The following INIP variants were observed in gnomAD, a reference collection of about 807,000 sequenced individuals.
INIP encodes INTS3 and NABP interacting protein.
In INIP, 9 loss-of-function variants were observed where a neutral mutation model predicts 14.0. The observed-to-expected ratio is 0.64, with a 90% CI of 0.39 to 1.12. INIP has a LOEUF of 1.12. Ranked by LOEUF, INIP falls within the 50% of genes most tolerant of loss-of-function variation. The pLI is 0.01. For missense variants in INIP, 78 were observed against 122.7 expected (o/e 0.64, Z 1.72); for synonymous variants, 37 against 41.5 (o/e 0.89, Z 0.41).
At chr9:112,693,271 G>A (rs1837958075) in intron 3 of INIP, among the ~76,000 whole-genome samples, 1 of 152,116 alleles carries the variant, frequency 6.6e-6, no homozygotes, top group South Asian at 2.1e-4. Flanking sequence ...AAAGGCAGCA[G>A]CAAACTGAGG....
chr9:112,716,285 A>C (rs576630802), intron 2 of INIP, among the ~76,000 whole-genome samples, 176 bp downstream of exon 2: 1 of 151,994 alleles, frequency 6.6e-6, no homozygotes, highest in East Asian at 2.0e-4. Context: ...CAAGCAGTCC[A>C]CCCGACTTGG....
intron 3 of INIP, 56 bp downstream of exon 3, chr9:112,694,075 A>G (rs193260710): frequency 4.3e-5 from 49 of 1,150,006 alleles, no homozygotes; most frequent in Non-Finnish European, 5.9e-5. Flanking sequence ...ACTCCGTCTC[A>G]AAACAAAACA....
rs9644926 is a variant in INIP at position 112,688,422 on chromosome 9, A to G, written c.220-789T>C. Among the ~76,000 whole-genome samples, 95 of 152,102 alleles carry G rather than the reference A, an allele frequency of 6.2e-4. 2 individuals are homozygous for G. The East Asian group carries it at 0.018, about 28-fold the overall frequency. ...CAGTGAGATTACTGGTGATTAAAAT[A>G]CCAACATTTGGTAGAGAACGTTGGA... is the stretch of plus-strand genomic sequence containing the variant. On this transcript the variant is annotated intron_variant, in intron 4 of 4. Coordinates refer to ENST00000374242, the MANE Select transcript of INIP (RefSeq NM_021218.3).
chr9:112,713,272 A>G (rs918536920), intron 2 of INIP, among the ~76,000 whole-genome samples: 3 of 152,276 alleles, frequency 2.0e-5, no homozygotes. Context: ...CATACATTCT[A>G]GAATGGCTAA....
At chr9:112,693,794 G>A (rs528906693) in intron 3 of INIP, among the ~76,000 whole-genome samples, 1 of 152,188 alleles carries the variant, frequency 6.6e-6, no homozygotes, top group African/African-American at 2.4e-5. Flanking sequence ...CACATTACAG[G>A]CCAGGCACGG....
chr9:112,687,490 T>C lies in INIP; in HGVS notation c.*48A>G, dbSNP rs1837718471. 1 of 1,160,298 alleles carries C rather than the reference T, an allele frequency of 8.6e-7. No individual in the cohort carries two copies. The highest frequency in any genetic ancestry group is 2.7e-4 in the Middle Eastern group (1 of 3,662). 71.9% of individuals were successfully genotyped at this position (1,160,298 alleles called of 1,614,324 possible). A position where few individuals can be genotyped will look rare whatever the true frequency, so the allele number is the denominator to read the frequency against. ...TCATGTAGCACTGAATGATAGTAGC[T>C]TTGGCATTTGATATTACAAAGTCAC... On this transcript the variant is annotated 3_prime_UTR_variant, in exon 5 of 5. Coordinates refer to ENST00000374242, the MANE Select transcript of INIP (RefSeq NM_021218.3).
chr9:112,693,575 T>C (rs1276478372), intron 3 of INIP, among the ~76,000 whole-genome samples: 1 of 152,248 alleles, frequency 6.6e-6, no homozygotes, highest in Non-Finnish European at 1.5e-5. Flanking sequence ...GTGTGCTGCA[T>C]GCACTCATAA....
At chr9:112,689,725 A>T (rs1488431716) in intron 3 of INIP, 108 bp from the exon 4 acceptor site, 2 of 736,278 alleles carry the variant, frequency 2.7e-6, no homozygotes, top group East Asian at 2.7e-5. Context: ...TATCCTTGAC[A>T]AAAACTGCAT....
chr9:112,696,846 A>G (rs1017093858), intron 2 of INIP, among the ~76,000 whole-genome samples: 3 of 152,232 alleles, frequency 2.0e-5, no homozygotes, highest in Admixed American at 2.0e-4. Context: ...CGGGCCAGGC[A>G]CGTGGGAAGG....
intron 2 of INIP, among the ~76,000 whole-genome samples, chr9:112,705,287 T>C (rs1374523237): frequency 6.6e-6 from 1 of 152,108 alleles, no homozygotes; most frequent in Non-Finnish European, 1.5e-5. Context: ...CTAAATAAGC[T>C]TATAAACAAT....
chr9:112,688,687 G>GGCATGTGCCTGTAGTCCCAGCA (rs1265922467), intron 4 of INIP, among the ~76,000 whole-genome samples: 32 of 151,892 alleles, frequency 2.1e-4, no homozygotes, highest in African/African-American at 6.5e-4. Context: ...TAGGCACAGT[G>GGCATGTGCCTGTAGTCCCAGCA]GCATGTGCCT....
chr9:112,692,252 GA>G (rs1837915095), intron 3 of INIP, among the ~76,000 whole-genome samples: 1 of 152,176 alleles, frequency 6.6e-6, no homozygotes. Flanking sequence ...AGACAGAAGA[GA>G]GTTAGGGTGG....
At chr9:112,712,129 CA>C (rs1256045590) in intron 2 of INIP, among the ~76,000 whole-genome samples, 7 of 152,076 alleles carry the variant, frequency 4.6e-5, no homozygotes, top group Admixed American at 3.3e-4. Context: ...GACAGAGTAG[CA>C]AAAAAATTAG....
Position 112,686,293 on chromosome 9 carries a change from C to T in INIP, c.*1245G>A, listed in dbSNP as rs1444379430. ...TATAAATATATCACGAAAATCTGTACAAGATATTTCATAGAATTCTCTATC... is the reference window on the plus strand; with the variant it reads ...TATAAATATATCACGAAAATCTGTATAAGATATTTCATAGAATTCTCTATC... On this transcript the variant is annotated 3_prime_UTR_variant, in exon 5 of 5. Coordinates refer to ENST00000374242, the MANE Select transcript of INIP (RefSeq NM_021218.3). 3.3e-5 allele frequency: 5 copies of T among 152,060 alleles called. No individual in the cohort carries two copies. Among genetic ancestry groups the T allele is most frequent in the Non-Finnish European group, 5.9e-5 (4 of 68,006 alleles). 9.4% of individuals were successfully genotyped at this position (152,060 alleles called of 1,614,324 possible). A position where few individuals can be genotyped will look rare whatever the true frequency, so the allele number is the denominator to read the frequency against.
intron 2 of INIP, among the ~76,000 whole-genome samples, chr9:112,699,476 G>C (rs1411604858): frequency 6.6e-6 from 1 of 152,106 alleles, no homozygotes; most frequent in African/African-American, 2.4e-5. Flanking sequence ...GAGAGAGAGA[G>C]AGACCACATT....
intron 2 of INIP, among the ~76,000 whole-genome samples, chr9:112,707,100 T>C (rs1838498120): frequency 6.6e-6 from 1 of 152,000 alleles, no homozygotes; most frequent in Non-Finnish European, 1.5e-5. Flanking sequence ...CCACCATGCC[T>C]GGCTAATTTT....
intron 3 of INIP, among the ~76,000 whole-genome samples, chr9:112,691,776 A>G (rs1041446892): frequency 8.4e-4 from 128 of 152,304 alleles, no homozygotes; most frequent in Non-Finnish European, 1.0e-3. Flanking sequence ...TTGGGAGGCC[A>G]AGGTGGGTGG....
chr9:112,695,852 GGAGAAGAAGA>G, intron 2 of INIP, among the ~76,000 whole-genome samples: 1 of 150,926 alleles, frequency 6.6e-6, no homozygotes, highest in African/African-American at 2.4e-5. Context: ...AGAAGAAGAA[GGAGAAGAAGA>G]AGGAGAAGAA....
rs115648063 is a variant in INIP, at chr9:112,697,072, C to A, written c.26-2839G>T. Among the ~76,000 whole-genome samples, 544 of 152,308 alleles carry A rather than the reference C, an allele frequency of 3.6e-3. 6 individuals carry two copies. Among genetic ancestry groups the A allele is most frequent in the African/African-American group, 0.012 (507 of 41,564 alleles). On this transcript the variant is annotated intron_variant, in intron 2 of 4. Coordinates refer to ENST00000374242, the MANE Select transcript of INIP (RefSeq NM_021218.3). The stretch of plus-strand genomic sequence containing the variant: ...CAGTAGGTGGGACTGAAAGTTCCAA[C>A]CCTCAAATTATAGGGTTGGTTTCCC...
Sources: gnomAD v4.1 joint callset for allele counts (sites outside exome capture counted in the v4.1 genomes callset) on GRCh38, gnomAD v4.1.1 for gene constraint, MANE v1.5 for transcripts, NCBI Gene and HGNC (gene_info 2026-07-23, HGNC 2026-07-21) for gene names.